Variants in BCAR3 observed in about 807,000 individuals in gnomAD.
The protein encoded by BCAR3 is BCAR3 adaptor protein, NSP family member, also known as breast cancer anti-estrogen resistance protein 3.
In BCAR3, 37 loss-of-function variants were observed where a neutral mutation model predicts 80.1. That is an observed-to-expected ratio of 0.46 (90% confidence interval 0.36 to 0.61). The LOEUF (loss-of-function observed/expected upper bound fraction) is 0.61, where lower values mean the gene tolerates loss of function less well. Ranked by LOEUF, BCAR3 falls within the 20% of genes least tolerant of loss-of-function variation. The pLI is 0.00. For missense variants in BCAR3, 978 were observed against 1,068.2 expected (o/e 0.92, Z 1.18); for synonymous variants, 389 against 418.9 (o/e 0.93, Z 0.87).
Position 93,589,053 on chromosome 1 carries a change from C to T in BCAR3, c.853G>A (p.Val285Met). 1 of 1,611,928 alleles carries T rather than the reference C, an allele frequency of 6.2e-7. No individual in the cohort carries two copies. The highest frequency in any genetic ancestry group is 2.2e-5 in the East Asian group (1 of 44,812). The change falls in exon 5 of 12, where the codon GTG (valine) becomes ATG (methionine). Residue 285 changes from valine (V) to methionine (M), a missense_variant. Coordinates refer to ENST00000260502, the MANE Select transcript of BCAR3 (RefSeq NM_003567.4). Reference sequence around the variant, plus strand: ...ATGGTGAGGCTCAGCCTCTTGGCCACATCCGGCCTTCCCTTGGTGAGGCTG... The same window carrying T: ...ATGGTGAGGCTCAGCCTCTTGGCCATATCCGGCCTTCCCTTGGTGAGGCTG... ...EGSLTKGRPD[V>M]AKRLSLTMGG...
chr1:93,837,970 TTGTTAGGAC>T (rs1654827142), intron 2 of BCAR3, among the ~76,000 whole-genome samples: 1 of 152,226 alleles, frequency 6.6e-6, no homozygotes, highest in African/African-American at 2.4e-5. Context: ...GCATGGACTC[TTGTTAGGAC>T]AGTATCTACA....
rs113995717 is a variant in BCAR3, at chr1:93,760,131, G to A, written c.-62-53989C>T. Among the ~76,000 whole-genome samples, 331 of 152,160 alleles carry A rather than the reference G, an allele frequency of 2.2e-3. 1 individual carries two copies. The highest frequency in any genetic ancestry group is 7.9e-3 in the African/African-American group (327 of 41,506). ...CCCAGCAAGTGCCTGGCATACAAAA[G>A]GCCATGGTGAATGAATGAATAAATG... On this transcript the variant is annotated intron_variant, in intron 2 of 13. Transcript: ENST00000370244.
intron 2 of BCAR3, among the ~76,000 whole-genome samples, chr1:93,712,077 C>G (rs1306628086): frequency 1.3e-5 from 2 of 152,186 alleles, no homozygotes; most frequent in Admixed American, 1.3e-4. Flanking sequence ...TGCTGAGCCC[C>G]AGTTTCTTCT....
rs144656382 is a variant in BCAR3 at position 93,754,938 on chromosome 1, A to T, written c.-62-48796T>A. On this transcript the variant is annotated intron_variant, in intron 2 of 13. Transcript: ENST00000370244. ...TGTTATCCTAGGAGAGGACAGCTCC[A>T]TGTATGTTGCCCCTGAAGACCTTCC... 2.6e-4 allele frequency among the ~76,000 whole-genome samples: 39 copies of T among 152,330 alleles called. 1 individual carries two copies. In the East Asian group the frequency reaches 7.1e-3, roughly 28 times the overall value.
At chr1:93,762,362 T>C (rs111724744) in intron 2 of BCAR3, among the ~76,000 whole-genome samples, 7,359 of 152,208 alleles carry the variant, frequency 0.048, 267 homozygotes, top group Non-Finnish European at 0.067. Context: ...ACCATCCACA[T>C]ACAGAAAGAC....
At chr1:93,616,353 T>C (rs1464726292) in intron 3 of BCAR3, among the ~76,000 whole-genome samples, 1 of 152,230 alleles carries the variant, frequency 6.6e-6, no homozygotes, top group African/African-American at 2.4e-5. Flanking sequence ...GAGACTAAAA[T>C]AACGTGTTGT....
intron 2 of BCAR3, among the ~76,000 whole-genome samples, chr1:93,654,462 A>AT (rs1647275055): frequency 6.6e-6 from 1 of 152,110 alleles, no homozygotes; most frequent in South Asian, 2.1e-4. Flanking sequence ...AATAACCTGA[A>AT]TGAGTGTGGG....
Position 93,582,350 on chromosome 1 carries a change from TTGG to T in BCAR3, c.1634_1636del (p.Thr545del). ...CTGGGCGATGACCTTGGGGTCGTTGTTGGTGAACAGTTCTTTTGCACGTTTCAA... is the reference window on the plus strand; with the variant it reads ...CTGGGCGATGACCTTGGGGTCGTTGTTGAACAGTTCTTTTGCACGTTTCAA... On this transcript the variant is annotated inframe_deletion, in exon 7 of 12. Transcript: ENST00000260502. The T allele has an allele frequency of 6.2e-7, 1 of 1,614,212 alleles. No homozygotes were observed. The highest frequency in any genetic ancestry group is 8.5e-7 in the Non-Finnish European group (1 of 1,180,042).
intron 2 of BCAR3, among the ~76,000 whole-genome samples, chr1:93,713,641 G>A (rs192540381): frequency 6.6e-6 from 1 of 152,266 alleles, no homozygotes; most frequent in African/African-American, 2.4e-5. Context: ...CAATTGCATA[G>A]AGCTTCCCCC....
chr1:93,722,099 G>A (rs1359047927), intron 2 of BCAR3, among the ~76,000 whole-genome samples: 1 of 152,208 alleles, frequency 6.6e-6, no homozygotes, highest in Non-Finnish European at 1.5e-5. Flanking sequence ...GCTCTCCACA[G>A]TCTCGGCCAG....
Position 93,731,349 on chromosome 1 carries a change from C to T in BCAR3, c.-62-25207G>A, listed in dbSNP as rs148436340. On this transcript the variant is annotated intron_variant, in intron 2 of 13. Coordinates refer to the BCAR3 transcript ENST00000370244. ...CCATGGGAATATAACAGGTTAACAA[C>T]AGGGAAACTGAGTGAGGATTCTATG... Among the ~76,000 whole-genome samples the T allele has an allele frequency of 2.0e-3, 311 of 152,318 alleles. 1 individual carries two copies. Among genetic ancestry groups the T allele is most frequent in the African/African-American group, 6.8e-3 (281 of 41,564 alleles).
intron 2 of BCAR3, among the ~76,000 whole-genome samples, chr1:93,773,218 C>T (rs557188614): frequency 2.0e-5 from 3 of 152,246 alleles, no homozygotes; most frequent in South Asian, 4.2e-4. Flanking sequence ...CTACAATCCA[C>T]AGGGATGGCA....
At chr1:93,603,132 A>T (rs1426452072) in intron 3 of BCAR3, among the ~76,000 whole-genome samples, 1 of 152,284 alleles carries the variant, frequency 6.6e-6, no homozygotes, top group African/African-American at 2.4e-5. Flanking sequence ...ATTTACTTAA[A>T]TAATTAACTT....
chr1:93,631,726 G>A (rs1405196419), intron 3 of BCAR3, among the ~76,000 whole-genome samples: 1 of 152,214 alleles, frequency 6.6e-6, no homozygotes, highest in African/African-American at 2.4e-5. Context: ...CAGCTTCAAG[G>A]CTGATGCCTG....
intron 3 of BCAR3, among the ~76,000 whole-genome samples, chr1:93,628,320 AGT>A (rs1675510074): frequency 6.6e-6 from 1 of 152,172 alleles, no homozygotes; most frequent in Non-Finnish European, 1.5e-5. Context: ...GGACAATCAC[AGT>A]AGCCTCCTCA....
chr1:93,779,652 C>T lies in BCAR3; in HGVS notation c.-63+65915G>A, dbSNP rs138460280. Among the ~76,000 whole-genome samples, 1,118 of 152,292 alleles carry T rather than the reference C, an allele frequency of 7.3e-3. 11 individuals carry two copies. Among genetic ancestry groups the T allele is most frequent in the African/African-American group, 0.026 (1,077 of 41,556 alleles). ...ATGTTGACAGAATGTCATTAGAAAC[C>T]TGAGCCTCTTCCTTCAGCGCTTTAA... On this transcript the variant is annotated intron_variant, in intron 2 of 13. Transcript: ENST00000370244.
intron 3 of BCAR3, among the ~76,000 whole-genome samples, chr1:93,697,790 C>T (rs1419473566): frequency 6.6e-6 from 1 of 152,090 alleles, no homozygotes; most frequent in Non-Finnish European, 1.5e-5. Flanking sequence ...ACCAGCCTGA[C>T]CAACATGGCG....
At chr1:93,748,282 A>G (rs566477372) in intron 2 of BCAR3, among the ~76,000 whole-genome samples, 1 of 152,214 alleles carries the variant, frequency 6.6e-6, no homozygotes, top group East Asian at 1.9e-4. Flanking sequence ...TGTCTTCTGA[A>G]TTCCATTTCA....
At chr1:93,838,668 A>C (rs1440038027) in intron 2 of BCAR3, among the ~76,000 whole-genome samples, 1 of 152,200 alleles carries the variant, frequency 6.6e-6, no homozygotes, top group East Asian at 1.9e-4. Flanking sequence ...CGGGATGCTA[A>C]CCTTACCATT....
Sources: gnomAD v4.1 joint callset for allele counts (sites outside exome capture counted in the v4.1 genomes callset) on GRCh38, gnomAD v4.1.1 for gene constraint, MANE v1.5 for transcripts, NCBI Gene and HGNC (gene_info 2026-07-23, HGNC 2026-07-21) for gene names.